The following CYRIB variants were observed in gnomAD, a reference collection of about 807,000 sequenced individuals.
CYRIB encodes CYFIP related Rac1 interactor B, also known as CYFIP-related Rac1 interactor B.
A neutral mutation model predicts 44.2 loss-of-function variants in CYRIB; 8 were observed. That is an observed-to-expected ratio of 0.18 (90% CI 0.11 to 0.33). The LOEUF (loss-of-function observed/expected upper bound fraction) is 0.33. Among genes scored for constraint, CYRIB ranks in the 10% least tolerant of loss-of-function variants. CYRIB has a pLI of 1.00. For synonymous variants in CYRIB, 131 were observed against 127.2 expected (o/e 1.03, Z -0.20); for missense variants, 185 against 382.8 (o/e 0.48, Z 4.31).
At chr8:129,858,400 A>G (rs2047361361) in intron 5 of CYRIB, among the ~76,000 whole-genome samples, 1 of 152,244 alleles carries the variant, frequency 6.6e-6, no homozygotes, top group African/African-American at 2.4e-5. Flanking sequence ...AAACCACAGA[A>G]GGAGGTTGCA....
intron 5 of CYRIB, among the ~76,000 whole-genome samples, chr8:129,858,958 G>A (rs1033791729): frequency 1.3e-5 from 2 of 152,228 alleles, no homozygotes; most frequent in Admixed American, 6.5e-5. Flanking sequence ...CCCGTGTGCA[G>A]AGACGAGAGA....
intron 2 of CYRIB, chr8:129,949,023 C>T (rs1348328729): frequency 1.3e-5 from 2 of 152,110 alleles, no homozygotes; most frequent in African/African-American, 4.8e-5. Context: ...TGCAGTGGGT[C>T]GTGATTGCAC....
At chr8:129,870,927 C>T (rs1276256527) in intron 4 of CYRIB, among the ~76,000 whole-genome samples, 1 of 152,114 alleles carries the variant, frequency 6.6e-6, no homozygotes, top group Non-Finnish European at 1.5e-5. Flanking sequence ...GAAGCAAGGA[C>T]ACAGCTTCTT....
chr8:130,005,977 C>A (rs943245937), intron 1 of CYRIB, among the ~76,000 whole-genome samples: 1 of 152,068 alleles, frequency 6.6e-6, no homozygotes, highest in African/African-American at 2.4e-5. Context: ...ACAGGGACCT[C>A]TGCATCAGAA....
intron 4 of CYRIB, chr8:129,868,721 A>G (rs192735134): frequency 9.9e-5 from 15 of 152,208 alleles, no homozygotes; most frequent in Admixed American, 9.8e-4. Context: ...TATCCTATAT[A>G]TAAACTTTTC....
intron 4 of CYRIB, among the ~76,000 whole-genome samples, chr8:129,868,891 TA>T (rs34829895): frequency 0.49 from 59,036 of 119,968 alleles, 13,540 homozygotes; most frequent in East Asian, 0.56. Context: ...GTACTGCAAT[TA>T]AAAAAAAAAA....
intron 1 of CYRIB, among the ~76,000 whole-genome samples, chr8:129,987,568 C>CTTT (rs34876735): frequency 1.4e-4 from 18 of 127,022 alleles, no homozygotes; most frequent in Non-Finnish European, 2.3e-4. Flanking sequence ...TTTTTTTTTT[C>CTTT]TTTTTTTTTT....
intron 1 of CYRIB, among the ~76,000 whole-genome samples, chr8:129,907,612 TG>T (rs2076105396): frequency 1.3e-5 from 2 of 151,788 alleles, no homozygotes; most frequent in Admixed American, 6.6e-5. Context: ...TATATATATA[TG>T]AAAAAAAAAA....
intron 1 of CYRIB, among the ~76,000 whole-genome samples, chr8:129,998,811 T>C (rs1337192591): frequency 6.6e-6 from 1 of 152,206 alleles, no homozygotes; most frequent in East Asian, 1.9e-4. Flanking sequence ...TTTGGATTTT[T>C]AGTAGAGACG....
chr8:129,875,685 C>G (rs2058858472), intron 3 of CYRIB, among the ~76,000 whole-genome samples: 1 of 152,212 alleles, frequency 6.6e-6, no homozygotes, highest in Admixed American at 6.5e-5. Flanking sequence ...AAACGTCTAA[C>G]TGAATACAGA....
intron 2 of CYRIB, among the ~76,000 whole-genome samples, chr8:129,893,832 C>CT (rs200158243): frequency 1.3e-3 from 185 of 143,066 alleles, no homozygotes; most frequent in South Asian, 5.1e-3. Context: ...CACACTAGGC[C>CT]TTTTTTTTTT....
intron 1 of CYRIB, among the ~76,000 whole-genome samples, chr8:129,906,911 C>T (rs1201511485): frequency 6.6e-6 from 1 of 152,210 alleles, no homozygotes; most frequent in Non-Finnish European, 1.5e-5. Context: ...TACCATCTCA[C>T]ACCAGTTAGA....
At chr8:129,858,896 A>T (rs895428205) in intron 5 of CYRIB, among the ~76,000 whole-genome samples, 1 of 152,208 alleles carries the variant, frequency 6.6e-6, no homozygotes, top group African/African-American at 2.4e-5. Context: ...AGAACAAGCA[A>T]GTATGGCAAG....
intron 11 of CYRIB, chr8:129,844,433 A>G (rs776508178): frequency 3.9e-5 from 6 of 152,344 alleles, no homozygotes; most frequent in Middle Eastern, 3.4e-3. Context: ...TTTGTGCACA[A>G]AAACAAATTT....
intron 1 of CYRIB, among the ~76,000 whole-genome samples, chr8:129,976,373 T>A (rs1451784581): frequency 3.3e-5 from 5 of 152,238 alleles, no homozygotes; most frequent in Admixed American, 6.5e-5. Context: ...ATATTCAGAA[T>A]TACTTTAATT....
At chr8:129,840,512 T>C (rs906102091) in exon 12 of CYRIB, 56 of 152,236 alleles carry the variant, frequency 3.7e-4, no homozygotes. Flanking sequence ...AGTGAATGTA[T>C]CTCCTGGGGG....
intron 1 of CYRIB, among the ~76,000 whole-genome samples, chr8:129,988,199 G>A (rs1472549673): frequency 7.9e-5 from 12 of 152,194 alleles, no homozygotes; most frequent in Admixed American, 6.5e-4. Context: ...TACCCGGATG[G>A]CCTCTTTCTC....
intron 1 of CYRIB, among the ~76,000 whole-genome samples, chr8:129,977,279 T>C (rs1347593228): frequency 6.6e-6 from 1 of 152,174 alleles, no homozygotes; most frequent in Non-Finnish European, 1.5e-5. Context: ...CATGTTCAGC[T>C]CAAGATTCAC....
chr8:129,957,558 C>G (rs1382663808), intron 2 of CYRIB, among the ~76,000 whole-genome samples: 1 of 152,154 alleles, frequency 6.6e-6, no homozygotes, highest in Non-Finnish European at 1.5e-5. Context: ...ATTGCCGGCA[C>G]GATGGCTCAC....
Sources: gnomAD v4.1 joint callset for allele counts (sites outside exome capture counted in the v4.1 genomes callset) on GRCh38, gnomAD v4.1.1 for gene constraint, MANE v1.5 for transcripts, NCBI Gene and HGNC (gene_info 2026-07-23, HGNC 2026-07-21) for gene names.